The following HMBOX1 variants were observed in gnomAD, a reference collection of about 807,000 sequenced individuals.
HMBOX1 encodes the protein homeobox-containing protein 1.
A neutral mutation model predicts 54.5 loss-of-function variants in HMBOX1; 14 were observed. The ratio of observed to expected loss-of-function variants is 0.26; its 90% CI spans 0.17 to 0.40. HMBOX1 has a LOEUF of 0.40. HMBOX1 is among the 10% of genes least tolerant of loss of function. The pLI is 1.00. For synonymous variants in HMBOX1, 160 were observed against 181.0 expected, an observed-to-expected ratio of 0.88 and a Z score of 0.93; for missense variants, 332 against 514.4, an observed-to-expected ratio of 0.65 and a Z score of 3.43.
intron 4 of HMBOX1, among the ~76,000 whole-genome samples, chr8:29,003,584 A>G (rs1016432825): frequency 1.4e-5 from 2 of 140,648 alleles, no homozygotes; most frequent in Non-Finnish European, 3.1e-5. Flanking sequence ...ATATGAATGC[A>G]TATTTTTCTG....
chr8:28,985,876 A>T (rs1053980495), intron 4 of HMBOX1, among the ~76,000 whole-genome samples: 1 of 149,006 alleles, frequency 6.7e-6, no homozygotes, highest in Non-Finnish European at 1.5e-5. Context: ...CCACTCTCCC[A>T]CTATCACCAT....
At chr8:28,912,757 G>C (rs922176308) in intron 1 of HMBOX1, among the ~76,000 whole-genome samples, 8 of 152,118 alleles carry the variant, frequency 5.3e-5, no homozygotes, top group African/African-American at 1.9e-4. Flanking sequence ...CCATAAGCAA[G>C]CTCATCTACC....
intron 6 of HMBOX1, among the ~76,000 whole-genome samples, chr8:29,033,267 G>A (rs139287453): frequency 1.2e-3 from 180 of 152,216 alleles, no homozygotes; most frequent in African/African-American, 4.0e-3. Flanking sequence ...TAATTATGCC[G>A]GAAGTTGTAT....
intron 5 of HMBOX1, among the ~76,000 whole-genome samples, chr8:29,012,145 G>C (rs987591170): frequency 1.6e-4 from 25 of 152,246 alleles, no homozygotes; most frequent in Middle Eastern, 3.4e-3. Flanking sequence ...CTTTTTCTTT[G>C]CATTTTGACA....
At chr8:28,923,723 G>T (rs1191985543) in intron 1 of HMBOX1, among the ~76,000 whole-genome samples, 1 of 151,980 alleles carries the variant, frequency 6.6e-6, no homozygotes, top group Non-Finnish European at 1.5e-5. Flanking sequence ...ATCCCTACCA[G>T]CAATATATAC....
chr8:29,028,069 A>C (rs1470382899), intron 6 of HMBOX1, among the ~76,000 whole-genome samples: 1 of 152,194 alleles, frequency 6.6e-6, no homozygotes, highest in African/African-American at 2.4e-5. Context: ...AACCCCTGTC[A>C]GTCTCCAAAA....
At chr8:28,924,913 CTTTTTTTT>C (rs368684931) in intron 1 of HMBOX1, among the ~76,000 whole-genome samples, 3 of 126,398 alleles carry the variant, frequency 2.4e-5, no homozygotes, top group Non-Finnish European at 5.1e-5. Flanking sequence ...CGCCCAGCCT[CTTTTTTTT>C]TTTTTTTTTT....
chr8:28,988,730 T>C (rs1830509963), intron 4 of HMBOX1, among the ~76,000 whole-genome samples: 1 of 152,228 alleles, frequency 6.6e-6, no homozygotes, highest in Non-Finnish European at 1.5e-5. Context: ...ATGTATCTTC[T>C]TGGGTGACAT....
At chr8:29,031,118 G>T (rs1385968705) in intron 6 of HMBOX1, among the ~76,000 whole-genome samples, 1 of 152,132 alleles carries the variant, frequency 6.6e-6, no homozygotes, top group East Asian at 1.9e-4. Flanking sequence ...GTTGCAAAAA[G>T]AACTTACATT....
chr8:28,987,946 A>T (rs1003527273), intron 4 of HMBOX1, among the ~76,000 whole-genome samples: 1 of 151,982 alleles, frequency 6.6e-6, no homozygotes, highest in Admixed American at 6.5e-5. Context: ...TATCACCTTT[A>T]TTAAGATAAA....
At chr8:29,046,608 C>T (rs1805595170) in intron 7 of HMBOX1, among the ~76,000 whole-genome samples, 1 of 152,224 alleles carries the variant, frequency 6.6e-6, no homozygotes, top group African/African-American at 2.4e-5. Context: ...TATCCTCTGT[C>T]CTAAGACAGC....
At chr8:29,044,391 G>T (rs1415325288) in intron 6 of HMBOX1, among the ~76,000 whole-genome samples, 5 of 152,142 alleles carry the variant, frequency 3.3e-5, no homozygotes, top group Admixed American at 1.3e-4. Context: ...GACTGAAAAA[G>T]TAGCACTAAT....
At chr8:28,943,692 A>G (rs774260404) in intron 1 of HMBOX1, among the ~76,000 whole-genome samples, 3 of 152,206 alleles carry the variant, frequency 2.0e-5, no homozygotes, top group African/African-American at 4.8e-5. Context: ...AGACATAAGT[A>G]TAAAGAATTA....
At chr8:28,973,900 C>T (rs56710912) in intron 3 of HMBOX1, among the ~76,000 whole-genome samples, 4,561 of 142,864 alleles carry the variant, frequency 0.032, 255 homozygotes, top group African/African-American at 0.11. Context: ...CTGCAACCTT[C>T]GCCTCCCGGG....
intron 5 of HMBOX1, among the ~76,000 whole-genome samples, chr8:29,016,590 CTGGTTGTT>C (rs1377712453): frequency 6.6e-6 from 1 of 152,218 alleles, no homozygotes; most frequent in African/African-American, 2.4e-5. Context: ...AATGGCTTAG[CTGGTTGTT>C]TCTGGCTCAG....
chr8:28,970,592 G>A lies in HMBOX1; in HGVS notation c.500+73G>A, dbSNP rs776882335. The A allele has an allele frequency of 2.4e-4, 220 of 918,420 alleles. No individual in the cohort carries two copies. The highest frequency in any genetic ancestry group is 3.2e-4 in the Non-Finnish European group (194 of 605,176). The allele number at this position is 918,420 out of a possible 1,614,324, so 56.9% of individuals were successfully genotyped here. A position where few individuals can be genotyped will look rare whatever the true frequency, so the allele number is the denominator to read the frequency against. On this transcript the variant is annotated intron_variant, in intron 3 of 9. Transcript: ENST00000287701. This position sits in a 1 kb window ranked among gnomAD's most constrained non-coding sequence, Gnocchi z 4.3. ...AGATTGTTTTTAAGTAGTATGCTGC[G>A]TTTCAGCTACTTAGCTATAAGAACT...
intron 6 of HMBOX1, among the ~76,000 whole-genome samples, chr8:29,019,691 C>T (rs1221448020): frequency 6.6e-6 from 1 of 152,120 alleles, no homozygotes; most frequent in Non-Finnish European, 1.5e-5. Context: ...AGTCAGAAGA[C>T]CTATACCCAA....
chr8:28,914,944 C>T (rs999920139), intron 1 of HMBOX1, among the ~76,000 whole-genome samples: 2 of 152,170 alleles, frequency 1.3e-5, no homozygotes, highest in African/African-American at 4.8e-5. Context: ...TATAGAAGTA[C>T]TTCTGGATTA....
At chr8:28,999,388 T>A (rs1448686223) in intron 4 of HMBOX1, among the ~76,000 whole-genome samples, 1 of 152,198 alleles carries the variant, frequency 6.6e-6, no homozygotes, top group East Asian at 1.9e-4. Context: ...TAACCCTACC[T>A]GAAGATCATT....
Sources: allele counts gnomAD v4.1 joint callset (sites outside exome capture counted in the v4.1 genomes callset), GRCh38; gene constraint gnomAD v4.1.1; non-coding constraint Gnocchi (gnomAD v3.1); transcripts MANE v1.5; gene names NCBI Gene and HGNC (gene_info 2026-07-23, HGNC 2026-07-21).